The following SNX16 variants were observed in gnomAD, a reference collection of about 807,000 sequenced individuals.
SNX16 encodes sorting nexin 16.
Under a neutral mutation model 36.7 loss-of-function variants are expected in SNX16, and 35 were observed. That is an observed-to-expected ratio of 0.95 (90% confidence interval 0.73 to 1.27). The LOEUF is 1.27. Among genes scored for constraint, SNX16 ranks in the 50% most tolerant of loss-of-function variants. The probability of loss-of-function intolerance (pLI) is 0.00; values close to 1 mark genes in which losing one functional copy is unlikely to be tolerated. For synonymous variants in SNX16, 134 were observed against 132.0 expected, an observed-to-expected ratio of 1.02 and a Z score of -0.10; for missense variants, 367 against 393.6, an observed-to-expected ratio of 0.93 and a Z score of 0.57.
intron 2 of SNX16, among the ~76,000 whole-genome samples, chr8:81,839,250 G>A (rs890903675): frequency 6.6e-6 from 1 of 152,132 alleles, no homozygotes; most frequent in African/African-American, 2.4e-5. Context: ...GATGCAAAAA[G>A]AGTATATAAT....
intron 5 of SNX16, 32 bp downstream of exon 5, chr8:81,815,293 T>C: frequency 3.3e-6 from 5 of 1,533,360 alleles, no homozygotes; most frequent in Non-Finnish European, 4.5e-6. Flanking sequence ...TAATTGTTCC[T>C]CTTTTCATGT....
At chr8:81,814,312 A>G (rs1170582839) in intron 5 of SNX16, among the ~76,000 whole-genome samples, 2 of 152,076 alleles carry the variant, frequency 1.3e-5, no homozygotes, top group Non-Finnish European at 2.9e-5. Flanking sequence ...GTAAAAGATT[A>G]TAATACTGTA....
intron 4 of SNX16, among the ~76,000 whole-genome samples, chr8:81,822,845 T>C (rs961474871): frequency 6.6e-6 from 1 of 150,788 alleles, no homozygotes; most frequent in Non-Finnish European, 1.5e-5. Context: ...AGTTCCTTCA[T>C]TAAGAGAAAA....
intron 2 of SNX16, among the ~76,000 whole-genome samples, chr8:81,838,586 A>T (rs1425386631): frequency 1.3e-5 from 2 of 151,748 alleles, no homozygotes; most frequent in African/African-American, 4.8e-5. Flanking sequence ...AAAAAAAAAA[A>T]AAAAAGACTT....
chr8:81,805,592 G>T (rs1448781244), intron 5 of SNX16, among the ~76,000 whole-genome samples: 1 of 152,152 alleles, frequency 6.6e-6, no homozygotes, highest in African/African-American at 2.4e-5. Flanking sequence ...TATAACTAAA[G>T]ATATGTTAAG....
intron 7 of SNX16, 130 bp from the exon 8 acceptor site, chr8:81,801,723 A>G: frequency 2.0e-6 from 1 of 503,076 alleles, no homozygotes; most frequent in East Asian, 3.3e-5. Flanking sequence ...AAAAGTATTT[A>G]ATGTAAGAGT....
At position 81,829,414 on chromosome 8, in the gene SNX16, TTATTA is replaced by T. The variant is rs766368897; in HGVS notation, c.462+11_462+15del. 20 of 1,181,222 alleles carry T rather than the reference TTATTA, an allele frequency of 1.7e-5. No homozygotes were observed. In the South Asian group the frequency reaches 4.0e-4, roughly 24 times the overall value. 73.2% of individuals were successfully genotyped at this position (1,181,222 alleles called of 1,614,324 possible). On this transcript the variant is annotated intron_variant, in intron 3 of 7. Coordinates refer to ENST00000345957, the MANE Select transcript of SNX16 (RefSeq NM_152836.3). ...TCAAAACTGAAATGTTAGTTTGGAT[TTATTA>T]TAGTACTTACTTTGTCATTAAGCCT... is the stretch of plus-strand genomic sequence containing the variant.
Position 81,803,148 on chromosome 8 carries a change from T to C in SNX16, c.762A>G (p.Leu254=), listed in dbSNP as rs749184630. Residue 254 remains leucine, a synonymous_variant, in exon 6 of 8, where the codon CTA becomes CTG. Transcript: ENST00000345957. ...LLEKQKEMES[L]KKLLSEKQLH... ...GTTGCTTCTCACTGAGCAGTTTCTT[T>C]AGTGATTCCATCTCCTTTTGTTTTT... The C allele has an allele frequency of 6.2e-7, 1 of 1,612,404 alleles. No homozygotes were observed. The highest frequency in any genetic ancestry group is 8.5e-7 in the Non-Finnish European group (1 of 1,178,956).
intron 5 of SNX16, chr8:81,807,875 AGC>A: frequency 1.3e-6 from 1 of 763,076 alleles, no homozygotes; most frequent in South Asian, 1.3e-5. Flanking sequence ...AGCCATTTTG[AGC>A]AATGGGGAAC....
chr8:81,828,534 G>A (rs1217708263), intron 3 of SNX16, among the ~76,000 whole-genome samples: 2 of 152,046 alleles, frequency 1.3e-5, no homozygotes, highest in Non-Finnish European at 2.9e-5. Flanking sequence ...TTATTCTTCT[G>A]TTTTGTATGC....
intron 1 of SNX16, among the ~76,000 whole-genome samples, chr8:81,840,857 A>C (rs1002847409): frequency 6.6e-6 from 1 of 152,248 alleles, no homozygotes; most frequent in African/African-American, 2.4e-5. Flanking sequence ...GAATAGTATC[A>C]TAACACAAAG....
chr8:81,838,555 G>C (rs531144258), intron 2 of SNX16, among the ~76,000 whole-genome samples: 87 of 143,320 alleles, frequency 6.1e-4, no homozygotes, highest in Non-Finnish European at 1.1e-3. Flanking sequence ...ATAAAAGCCT[G>C]ATTAATTGGT....
chr8:81,831,691 G>A (rs1185847802), intron 2 of SNX16, among the ~76,000 whole-genome samples: 8 of 109,894 alleles, frequency 7.3e-5, no homozygotes, highest in Non-Finnish European at 1.5e-4. Context: ...GTGAGACTCC[G>A]TCAAAAAAAA....
chr8:81,805,000 T>A (rs1051466105), intron 5 of SNX16, among the ~76,000 whole-genome samples: 2 of 147,868 alleles, frequency 1.4e-5, no homozygotes, highest in African/African-American at 2.4e-5. Context: ...ATTAAAAAAA[T>A]TTTAACAATA....
Position 81,808,391 on chromosome 8 carries a change from A to C in SNX16, c.682-5163T>G. The C allele has an allele frequency of 3.2e-6, 4 of 1,267,812 alleles. No individual in the cohort carries two copies. The South Asian group carries it at 4.8e-5, about 15-fold the overall frequency. The allele number at this position is 1,267,812 out of a possible 1,614,324, so 78.5% of individuals were successfully genotyped here. A position where few individuals can be genotyped will look rare whatever the true frequency, so the allele number is the denominator to read the frequency against. The stretch of plus-strand genomic sequence containing the variant: ...CTGGAAACTTTGGTGGTGGTTGTGG[A>C]GGTGTTTTCGGTGGGAATGACAACT... On this transcript the variant is annotated intron_variant, in intron 5 of 7. Transcript: ENST00000345957.
intron 5 of SNX16, among the ~76,000 whole-genome samples, chr8:81,812,072 C>G (rs560182752): frequency 6.6e-6 from 1 of 151,538 alleles, no homozygotes; most frequent in East Asian, 1.9e-4. Flanking sequence ...TTAATATGAC[C>G]GAAATATAAA....
intron 1 of SNX16, among the ~76,000 whole-genome samples, chr8:81,841,067 G>T (rs1448736433): frequency 6.6e-6 from 1 of 152,186 alleles, no homozygotes; most frequent in African/African-American, 2.4e-5. Context: ...TGGGCTGGGC[G>T]CTGTGGCTCA....
At chr8:81,825,860 A>C (rs1002957343) in intron 3 of SNX16, among the ~76,000 whole-genome samples, 4 of 152,182 alleles carry the variant, frequency 2.6e-5, no homozygotes, top group African/African-American at 9.6e-5. Flanking sequence ...ATTTGATTTC[A>C]AGATGTAATT....
At chr8:81,823,233 A>G (rs1360180926) in intron 4 of SNX16, among the ~76,000 whole-genome samples, 1 of 151,776 alleles carries the variant, frequency 6.6e-6, no homozygotes, top group East Asian at 1.9e-4. Flanking sequence ...CATAAGTTCC[A>G]AAATTAGATA....
Sources: allele counts gnomAD v4.1 joint callset (sites outside exome capture counted in the v4.1 genomes callset), GRCh38; gene constraint gnomAD v4.1.1; transcripts MANE v1.5; gene names NCBI Gene and HGNC (gene_info 2026-07-23, HGNC 2026-07-21).